TTC1: variants seen among roughly 807,000 people sequenced by gnomAD.
TTC1 encodes the protein tetratricopeptide repeat domain 1, also known as tetratricopeptide repeat protein 1.
A neutral mutation model predicts 37.6 loss-of-function variants in TTC1; 31 were observed. That is an observed-to-expected ratio of 0.82 (90% CI 0.62 to 1.11). TTC1 has a LOEUF of 1.11. TTC1 is among the 50% of genes most tolerant of loss of function. TTC1 has a pLI of 0.00. For missense variants in TTC1, 351 were observed against 339.0 expected, an observed-to-expected ratio of 1.04 and a Z score of -0.28; for synonymous variants, 127 against 122.4, an observed-to-expected ratio of 1.04 and a Z score of -0.25.
chr5:160,054,440 C>T (rs2113404790), intron 7 of TTC1, among the ~76,000 whole-genome samples: 2 of 152,166 alleles, frequency 1.3e-5, no homozygotes, highest in Middle Eastern at 3.4e-3. Flanking sequence ...ATGGCAAGAC[C>T]CCCATCTCTG....
intron 7 of TTC1, among the ~76,000 whole-genome samples, chr5:160,056,137 C>CT (rs762725379): frequency 1.3e-5 from 2 of 152,194 alleles, no homozygotes; most frequent in Middle Eastern, 3.2e-3. Flanking sequence ...AGAGCAGTTA[C>CT]TTGAAACTTA....
intron 6 of TTC1, among the ~76,000 whole-genome samples, chr5:160,050,733 C>G (rs1022629831): frequency 6.6e-6 from 1 of 151,378 alleles, no homozygotes; most frequent in Admixed American, 6.6e-5. Context: ...TCAAGCAACC[C>G]TCCCACCTCA....
intron 5 of TTC1, among the ~76,000 whole-genome samples, chr5:160,048,777 C>A (rs967636365): frequency 2.6e-5 from 4 of 152,000 alleles, no homozygotes; most frequent in Non-Finnish European, 5.9e-5. Flanking sequence ...ATAATGAAAC[C>A]CCATCTCTAC....
chr5:160,038,086 GT>G (rs1031610190), intron 4 of TTC1, among the ~76,000 whole-genome samples: 59 of 144,626 alleles, frequency 4.1e-4, no homozygotes, highest in African/African-American at 4.3e-4. Context: ...AAAGGTTACG[GT>G]TTTTTTTTTT....
intron 6 of TTC1, among the ~76,000 whole-genome samples, chr5:160,049,867 C>T (rs971793093): frequency 3.9e-5 from 6 of 151,942 alleles, no homozygotes; most frequent in African/African-American, 9.7e-5. Context: ...CACTTGAGGC[C>T]AGGAGCTCGA....
chr5:160,033,067 G>A (rs1300014058), intron 2 of TTC1, among the ~76,000 whole-genome samples: 1 of 152,026 alleles, frequency 6.6e-6, no homozygotes, highest in Non-Finnish European at 1.5e-5. Context: ...GCCTCTCACT[G>A]ATTCTGTGAG....
At chr5:160,062,727 C>T (rs1250345900) in intron 7 of TTC1, among the ~76,000 whole-genome samples, 1 of 152,140 alleles carries the variant, frequency 6.6e-6, no homozygotes, top group Non-Finnish European at 1.5e-5. Context: ...GCTCTTGATA[C>T]TCATTCTCAC....
chr5:160,036,805 T>C lies in TTC1; in HGVS notation c.504+2T>C, dbSNP rs764969746. On this transcript the variant is annotated splice_donor_variant, in intron 4 of 7. Transcript: ENST00000231238. LOFTEE classifies it high-confidence loss of function. ...AGAGCTGCAGCAAGGATGAAACAGGTATGTATCTGTGACCTTTTCTTTTTA... is the reference window on the plus strand; with the variant it reads ...AGAGCTGCAGCAAGGATGAAACAGGCATGTATCTGTGACCTTTTCTTTTTA... 1.6e-5 allele frequency: 25 copies of C among 1,600,300 alleles called. No individual in the cohort carries two copies. The East Asian group carries it at 5.6e-4, about 36-fold the overall frequency.
intron 2 of TTC1, among the ~76,000 whole-genome samples, chr5:160,032,892 G>T (rs1756937001): frequency 1.4e-5 from 2 of 147,692 alleles, no homozygotes; most frequent in South Asian, 2.1e-4. Flanking sequence ...TTTTTTTTTT[G>T]GGGGGGTATT....
intron 2 of TTC1, among the ~76,000 whole-genome samples, chr5:160,016,653 C>T (rs1431012079): frequency 6.6e-6 from 1 of 151,184 alleles, no homozygotes; most frequent in African/African-American, 2.4e-5. Flanking sequence ...TTTCAGTAAG[C>T]CTGTATTACA....
intron 7 of TTC1, among the ~76,000 whole-genome samples, chr5:160,056,437 T>G (rs1197614731): frequency 6.6e-6 from 1 of 152,198 alleles, no homozygotes; most frequent in Non-Finnish European, 1.5e-5. Context: ...GGCATGGTGG[T>G]CATGCCTATA....
At chr5:160,054,001 CAGA>C (rs1397581092) in intron 7 of TTC1, among the ~76,000 whole-genome samples, 1 of 152,192 alleles carries the variant, frequency 6.6e-6, no homozygotes, top group Non-Finnish European at 1.5e-5. Context: ...TTGCTGATCA[CAGA>C]AGATGATCGT....
intron 2 of TTC1, among the ~76,000 whole-genome samples, chr5:160,031,123 G>A (rs999498810): frequency 2.0e-5 from 3 of 152,112 alleles, no homozygotes; most frequent in Non-Finnish European, 2.9e-5. Flanking sequence ...TTCAGTCTCG[G>A]CACAGCTGGG....
At chr5:160,052,487 AAAG>A (rs1757426840) in intron 7 of TTC1, among the ~76,000 whole-genome samples, 1 of 148,994 alleles carries the variant, frequency 6.7e-6, no homozygotes, top group Non-Finnish European at 1.5e-5. Flanking sequence ...ACCCTGTCTC[AAAG>A]AAGAGGGAAA....
chr5:160,042,721 C>T (rs1267224033), intron 4 of TTC1, among the ~76,000 whole-genome samples: 2 of 152,216 alleles, frequency 1.3e-5, no homozygotes, highest in Non-Finnish European at 2.9e-5. Context: ...TGTATACTTT[C>T]TGAAATATAC....
intron 7 of TTC1, among the ~76,000 whole-genome samples, chr5:160,062,905 CCTGT>C (rs1478365073): frequency 2.0e-5 from 3 of 152,124 alleles, no homozygotes; most frequent in Non-Finnish European, 4.4e-5. Flanking sequence ...CTGAGGCTGC[CCTGT>C]CTTTCTCTTG....
intron 5 of TTC1, among the ~76,000 whole-genome samples, chr5:160,043,906 T>C (rs1346437337): frequency 6.6e-6 from 1 of 152,228 alleles, no homozygotes. Context: ...TAAGGTCTTA[T>C]CACCCCACTA....
chr5:160,042,343 T>C (rs770909402), intron 4 of TTC1, among the ~76,000 whole-genome samples: 38 of 152,240 alleles, frequency 2.5e-4, no homozygotes, highest in Non-Finnish European at 4.3e-4. Context: ...TGAACACTTA[T>C]TTGAAATACC....
chr5:160,035,809 C>T (rs550103570), intron 3 of TTC1, among the ~76,000 whole-genome samples: 1 of 152,234 alleles, frequency 6.6e-6, no homozygotes, highest in East Asian at 1.9e-4. Context: ...GATCTTAGAG[C>T]AAAAGTCTTC....
Sources: gnomAD v4.1 joint callset for allele counts (sites outside exome capture counted in the v4.1 genomes callset) on GRCh38, gnomAD v4.1.1 for gene constraint, MANE v1.5 for transcripts, NCBI Gene and HGNC (gene_info 2026-07-23, HGNC 2026-07-21) for gene names.